The following PDE10A variants were observed in gnomAD, a reference collection of about 807,000 sequenced individuals.
PDE10A encodes the protein cAMP and cAMP-inhibited cGMP 3',5'-cyclic phosphodiesterase 10A.
In PDE10A, 39 loss-of-function variants were observed where a neutral mutation model predicts 97.7. That is an observed-to-expected ratio of 0.40 (90% CI 0.31 to 0.52). The LOEUF is 0.52. Among genes scored for constraint, PDE10A ranks in the 20% least tolerant of loss-of-function variants. The pLI is 0.56. For synonymous variants in PDE10A, 371 were observed against 376.8 expected, an observed-to-expected ratio of 0.98 and a Z score of 0.18; for missense variants, 731 against 1,047.8, an observed-to-expected ratio of 0.70 and a Z score of 4.17.
At chr6:165,347,628 A>C (rs893306211) in intron 18 of PDE10A, among the ~76,000 whole-genome samples, 1 of 152,230 alleles carries the variant, frequency 6.6e-6, no homozygotes, top group East Asian at 1.9e-4. Context: ...CAACCTTTAC[A>C]TGGTCTCACA....
intron 1 of PDE10A, among the ~76,000 whole-genome samples, chr6:165,756,188 T>C (rs1793113499): frequency 6.6e-6 from 1 of 152,208 alleles, no homozygotes; most frequent in Admixed American, 6.5e-5. Context: ...ATTAGACAAA[T>C]TATTTTTAAA....
At chr6:165,611,822 C>A (rs947067584) in intron 1 of PDE10A, among the ~76,000 whole-genome samples, 2 of 152,194 alleles carry the variant, frequency 1.3e-5, no homozygotes, top group Non-Finnish European at 2.9e-5. Context: ...GGTTTGATCT[C>A]CTTCGTTCAG....
Position 165,388,368 on chromosome 6 carries a change from G to A in PDE10A, c.2540C>T (p.Pro847Leu). The change falls in exon 17 of 22, where the codon CCT becomes CTT. Residue 847 changes from proline (P) to leucine (L), a missense_variant. By Grantham distance (98) the Pro-to-Leu change is moderately conservative. Transcript: ENST00000539869. The surrounding 1 kb of genome is among the most constrained non-coding windows in gnomAD (Gnocchi z 4.0). ...GGAAGTGGAGTAGAGAGCGGCCAGA[G>A]GGTGGTCGAACTTCTGCAGGTAGCT... ...SNSYLQKFDH[P>L]LAALYSTSTM... The A allele has an allele frequency of 6.2e-7, 1 of 1,614,106 alleles. No individual in the cohort carries two copies. Among genetic ancestry groups the A allele is most frequent in the Non-Finnish European group, 8.5e-7 (1 of 1,179,976 alleles).
At chr6:165,918,249 C>A (rs909061832) in intron 1 of PDE10A, among the ~76,000 whole-genome samples, 2 of 152,134 alleles carry the variant, frequency 1.3e-5, no homozygotes, top group African/African-American at 4.8e-5. Flanking sequence ...GTGGAAAGTA[C>A]AATGAATTTT....
upstream of PDE10A, among the ~76,000 whole-genome samples, chr6:165,663,819 C>T (rs1413057088): frequency 6.6e-6 from 1 of 152,208 alleles, no homozygotes; most frequent in African/African-American, 2.4e-5. Context: ...AACCCTGAGA[C>T]CGCCTTGCCA....
chr6:165,752,523 T>C (rs1331924585), intron 1 of PDE10A, among the ~76,000 whole-genome samples: 1 of 152,240 alleles, frequency 6.6e-6, no homozygotes, highest in African/African-American at 2.4e-5. Flanking sequence ...ATTTGTTATA[T>C]GTCATAACAT....
chr6:165,352,521 G>C (rs1368305226), intron 18 of PDE10A, among the ~76,000 whole-genome samples: 1 of 151,884 alleles, frequency 6.6e-6, no homozygotes, highest in Non-Finnish European at 1.5e-5. Flanking sequence ...CAGATAAATT[G>C]ATCCATTAAA....
chr6:165,846,122 G>A (rs1022566059), intron 1 of PDE10A, among the ~76,000 whole-genome samples: 5 of 152,144 alleles, frequency 3.3e-5, no homozygotes, highest in African/African-American at 1.2e-4. Flanking sequence ...ACCAGAAAAC[G>A]GACTCTTCGT....
At chr6:165,683,869 G>T (rs1276482396) in intron 1 of PDE10A, among the ~76,000 whole-genome samples, 1 of 152,082 alleles carries the variant, frequency 6.6e-6, no homozygotes, top group African/African-American at 2.4e-5. Flanking sequence ...TTCCATGACC[G>T]GTGTCCTAGG....
chr6:165,906,374 T>C (rs1583267119), intron 1 of PDE10A, among the ~76,000 whole-genome samples: 1 of 151,990 alleles, frequency 6.6e-6, no homozygotes, highest in East Asian at 2.0e-4. Flanking sequence ...CCACTTGCCT[T>C]CTTCAGGGAC....
At chr6:165,978,512 C>T (rs550859437) in intron 1 of PDE10A, among the ~76,000 whole-genome samples, 6 of 152,332 alleles carry the variant, frequency 3.9e-5, no homozygotes, top group African/African-American at 1.4e-4. Context: ...TTGAGAATGG[C>T]ACAGTGCCAC....
At chr6:165,478,838 T>C (rs1779441707) in intron 3 of PDE10A, among the ~76,000 whole-genome samples, 1 of 152,308 alleles carries the variant, frequency 6.6e-6, no homozygotes, top group Non-Finnish European at 1.5e-5. Context: ...CAGACATTCC[T>C]TTCTATTGAT....
intron 2 of PDE10A, among the ~76,000 whole-genome samples, chr6:165,491,569 A>G (rs493261): frequency 0.29 from 44,232 of 152,074 alleles, 6,818 homozygotes; most frequent in African/African-American, 0.39. Context: ...ATGGAATAAA[A>G]TTGGAAATCA....
chr6:165,498,247 C>T (rs2128292893), intron 2 of PDE10A, among the ~76,000 whole-genome samples: 1 of 150,870 alleles, frequency 6.6e-6, no homozygotes, highest in African/African-American at 2.4e-5. Context: ...CCCATGTCTA[C>T]AAAAAATTAA....
intron 1 of PDE10A, among the ~76,000 whole-genome samples, chr6:165,925,107 T>A (rs1265392015): frequency 6.6e-6 from 1 of 152,228 alleles, no homozygotes; most frequent in African/African-American, 2.4e-5. Flanking sequence ...AGCTGCTTTG[T>A]TGAAGAGGAC....
chr6:165,536,646 T>C (rs1297172485), intron 2 of PDE10A, among the ~76,000 whole-genome samples: 1 of 149,850 alleles, frequency 6.7e-6, no homozygotes. Flanking sequence ...AAGATCTGAA[T>C]AGGTATTTCT....
chr6:165,340,280 T>C (rs747510947), intron 19 of PDE10A, among the ~76,000 whole-genome samples: 1 of 152,236 alleles, frequency 6.6e-6, no homozygotes, highest in Non-Finnish European at 1.5e-5. Context: ...CTTCCCACTC[T>C]TCCCTCATAG....
chr6:165,435,066 G>A (rs1293848697), intron 6 of PDE10A, among the ~76,000 whole-genome samples, 171 bp downstream of exon 6: 1 of 152,134 alleles, frequency 6.6e-6, no homozygotes, highest in African/African-American at 2.4e-5. Flanking sequence ...TGGGTAAAGG[G>A]AATTTTCTGA....
At chr6:165,720,713 C>G (rs1326684623) in intron 1 of PDE10A, among the ~76,000 whole-genome samples, 8 of 152,256 alleles carry the variant, frequency 5.3e-5, no homozygotes, top group African/African-American at 1.9e-4. Context: ...AGAAGGCTGG[C>G]CAGGCGTTTT....
Sources: allele counts gnomAD v4.1 joint callset (sites outside exome capture counted in the v4.1 genomes callset), GRCh38; gene constraint gnomAD v4.1.1; non-coding constraint Gnocchi (gnomAD v3.1); transcripts MANE v1.5; gene names NCBI Gene and HGNC (gene_info 2026-07-23, HGNC 2026-07-21).